The following RNASE4 variants were observed in gnomAD, a reference collection of about 807,000 sequenced individuals.
RNASE4 encodes the protein ribonuclease A family member 4.
For missense variants in RNASE4, 194 were observed against 192.8 expected, an observed-to-expected ratio of 1.01 and a Z score of -0.04; for synonymous variants, 93 against 71.4, an observed-to-expected ratio of 1.30 and a Z score of -1.52.
intron 1 of RNASE4, among the ~76,000 whole-genome samples, chr14:20,692,187 A>G (rs1594207602): frequency 6.6e-6 from 1 of 152,258 alleles, no homozygotes; most frequent in African/African-American, 2.4e-5. Context: ...ATGCAATACA[A>G]TTTGAAGATC....
chr14:20,688,678 G>A (rs117684010), intron 1 of RNASE4: 28,152 of 984,876 alleles, frequency 0.029, 471 homozygotes, highest in South Asian at 0.043. Context: ...GACCCTCCTC[G>A]TTTGTTCAAG....
rs1594214827 is a variant in RNASE4 at position 20,699,452 on chromosome 14, T to C, written c.81T>C (p.Tyr27=). ...GGCTGGGGCTGGTCCAGCCCTCCTA[T>C]GGCCAGGATGGCATGTACCAGCGAT... ...LLGLGLVQPS[Y]GQDGMYQRFL... is the part of the protein sequence containing the mutation. Residue 27 remains tyrosine (Y), a synonymous_variant, in exon 2 of 2, where the codon TAT becomes TAC. Transcript: ENST00000555835. 3 of 1,613,716 alleles carry C rather than the reference T, an allele frequency of 1.9e-6. No homozygotes were observed. Among genetic ancestry groups the C allele is most frequent in the Non-Finnish European group, 2.5e-6 (3 of 1,179,836 alleles).
chr14:20,685,866 C>T (rs1006278602), intron 1 of RNASE4, among the ~76,000 whole-genome samples: 28 of 152,014 alleles, frequency 1.8e-4, no homozygotes, highest in African/African-American at 6.5e-4. Flanking sequence ...ATGGTGAAAC[C>T]TCGTCTCTAC....
chr14:20,692,518 G>A (rs922435635), intron 1 of RNASE4, among the ~76,000 whole-genome samples: 3 of 152,226 alleles, frequency 2.0e-5, no homozygotes, highest in African/African-American at 7.2e-5. Context: ...AGATCAGCAG[G>A]CAGCATTAGA....
chr14:20,698,987 T>C (rs1041832870), intron 1 of RNASE4: 1 of 176,202 alleles, frequency 5.7e-6, no homozygotes, highest in African/African-American at 2.4e-5. Context: ...ATCATACACC[T>C]ACGGAGTTCC....
chr14:20,696,431 G>GTCC (rs929198076), intron 1 of RNASE4, among the ~76,000 whole-genome samples: 2 of 152,166 alleles, frequency 1.3e-5, no homozygotes, highest in African/African-American at 4.8e-5. Context: ...AAGAATTGAA[G>GTCC]TCCTGGTCAG....
In RNASE4 at chr14:20,693,788, G is replaced by C. The variant is rs146485834; in HGVS notation, c.-17-5567G>C. Reference sequence around the variant, plus strand: ...AACACATTTATTCATGGCAACAAGCGCAGCATCAAGGCCATCTGTGAAAAC... The same window carrying C: ...AACACATTTATTCATGGCAACAAGCCCAGCATCAAGGCCATCTGTGAAAAC... On this transcript the variant is annotated intron_variant, in intron 1 of 1. Transcript: ENST00000555835. 3.1e-6 allele frequency: 5 copies of C among 1,614,158 alleles called. No homozygotes were observed. The African/African-American group carries it at 5.3e-5, about 17-fold the overall frequency.
chr14:20,700,363 AT>A lies in RNASE4; in HGVS notation c.*551del, dbSNP rs1887253659. ...TTCACCTGTCAGGGAGGCATTAAAA[AT>A]TTGGAAATGTATGCCAGCAAAATGT... On this transcript the variant is annotated 3_prime_UTR_variant, in exon 2 of 2. Transcript: ENST00000555835. 6.0e-6 allele frequency: 1 copy of A among 167,150 alleles called. No individual in the cohort carries two copies. Among genetic ancestry groups the A allele is most frequent in the Non-Finnish European group, 1.5e-5 (1 of 68,164 alleles). 10.4% of individuals were successfully genotyped at this position (167,150 alleles called of 1,614,324 possible). A position where few individuals can be genotyped will look rare whatever the true frequency, so the allele number is the denominator to read the frequency against.
At chr14:20,684,956 A>G (rs1050068924) in intron 1 of RNASE4, among the ~76,000 whole-genome samples, 198 bp downstream of exon 1, 1 of 152,154 alleles carries the variant, frequency 6.6e-6, no homozygotes, top group Non-Finnish European at 1.5e-5. Context: ...ATTCCCACTC[A>G]GGTTTACTTT....
intron 1 of RNASE4, among the ~76,000 whole-genome samples, chr14:20,695,394 C>CAA (rs552960263): frequency 0.34 from 39,219 of 114,120 alleles, 5,945 homozygotes; most frequent in Non-Finnish European, 0.39. Context: ...GACTCCATCT[C>CAA]AAAAAAAAAA....
rs549259098 is a variant in RNASE4, at chr14:20,697,883, C to T, written c.-17-1472C>T. Among the ~76,000 whole-genome samples, 10 of 152,258 alleles carry T rather than the reference C, an allele frequency of 6.6e-5. No homozygotes were observed. The East Asian group carries it at 7.7e-4, about 12-fold the overall frequency. ...CCCTGCTACACTGCAAGAATCAAGCCGATTCACAATTCACATCAATTCCAG... is the reference window on the plus strand; with the variant it reads ...CCCTGCTACACTGCAAGAATCAAGCTGATTCACAATTCACATCAATTCCAG... On this transcript the variant is annotated intron_variant, in intron 1 of 1. Coordinates refer to ENST00000555835, the MANE Select transcript of RNASE4 (RefSeq NM_002937.5).
rs912745240 is a variant in RNASE4 at position 20,693,724 on chromosome 14, A to G, written c.-17-5631A>G. 25 of 1,614,104 alleles carry G rather than the reference A, an allele frequency of 1.5e-5. No homozygotes were observed. The East Asian group carries it at 5.3e-4, about 35-fold the overall frequency. ...GGATGACAGATACTGTGAAAGCATCATGAGGAGACGGGGCCTGACCTCACC... is the reference window on the plus strand; with the variant it reads ...GGATGACAGATACTGTGAAAGCATCGTGAGGAGACGGGGCCTGACCTCACC... On this transcript the variant is annotated intron_variant, in intron 1 of 1. Coordinates refer to ENST00000555835, the MANE Select transcript of RNASE4 (RefSeq NM_002937.5).
At chr14:20,698,316 T>C (rs1302664612) in intron 1 of RNASE4, among the ~76,000 whole-genome samples, 1 of 152,130 alleles carries the variant, frequency 6.6e-6, no homozygotes, top group Non-Finnish European at 1.5e-5. Context: ...CAAGAATAGA[T>C]GCAAGACAAA....
At chr14:20,693,761 T>G (rs1667395128) in intron 1 of RNASE4, 1 of 1,614,010 alleles carries the variant, frequency 6.2e-7, no homozygotes, top group African/African-American at 1.3e-5. Context: ...TGCAAAGACA[T>G]CAACACATTT....
At chr14:20,697,761 G>T (rs1195512667) in intron 1 of RNASE4, among the ~76,000 whole-genome samples, 6 of 152,214 alleles carry the variant, frequency 3.9e-5, no homozygotes, top group African/African-American at 9.6e-5. Flanking sequence ...CACATACAGA[G>T]TTGGGCTGCC....
intron 1 of RNASE4, chr14:20,693,695 G>A: frequency 4.3e-6 from 7 of 1,614,172 alleles, no homozygotes; most frequent in Non-Finnish European, 5.9e-6. Flanking sequence ...AAACCACAGG[G>A]CCGGGATGAC....
intron 1 of RNASE4, among the ~76,000 whole-genome samples, chr14:20,697,830 A>G (rs531286817): frequency 6.6e-6 from 1 of 152,270 alleles, no homozygotes; most frequent in East Asian, 1.9e-4. Context: ...TGAATCAGGG[A>G]TGATTTTTCT....
chr14:20,686,153 T>C (rs1886416417), intron 1 of RNASE4, among the ~76,000 whole-genome samples: 1 of 152,174 alleles, frequency 6.6e-6, no homozygotes, highest in African/African-American at 2.4e-5. Context: ...TTGGCTCTTC[T>C]TTAATATGAG....
At chr14:20,694,767 A>C (rs1191601848) in intron 1 of RNASE4, among the ~76,000 whole-genome samples, 2 of 152,182 alleles carry the variant, frequency 1.3e-5, no homozygotes, top group Non-Finnish European at 2.9e-5. Context: ...TCTGTCAAAT[A>C]ATAAGCTAAT....
Sources: gnomAD v4.1 joint callset for allele counts (sites outside exome capture counted in the v4.1 genomes callset) on GRCh38, gnomAD v4.1.1 for gene constraint, MANE v1.5 for transcripts, NCBI Gene and HGNC (gene_info 2026-07-23, HGNC 2026-07-21) for gene names.